Variants in GRHL2 observed in about 807,000 individuals in gnomAD.
The protein encoded by GRHL2 is grainyhead-like protein 2 homolog.
In GRHL2, 21 loss-of-function variants were observed where a neutral mutation model predicts 83.8. That is an observed-to-expected ratio of 0.25 (90% CI 0.18 to 0.36). The LOEUF (loss-of-function observed/expected upper bound fraction) is 0.36. Ranked by LOEUF, GRHL2 falls within the 10% of genes least tolerant of loss-of-function variation. The probability of loss-of-function intolerance (pLI) is 1.00; values close to 1 mark genes in which losing one functional copy is unlikely to be tolerated. For synonymous variants in GRHL2, 280 were observed against 278.9 expected (o/e 1.00, Z -0.04); for missense variants, 623 against 781.8 (o/e 0.80, Z 2.42).
chr8:101,575,610 G>A (rs560489682), intron 6 of GRHL2, among the ~76,000 whole-genome samples: 4 of 152,262 alleles, frequency 2.6e-5, no homozygotes, highest in South Asian at 2.1e-4. Flanking sequence ...CATGTAGGGC[G>A]TGGTAACAAC....
At chr8:101,514,897 CCTTT>C (rs1437291156) in intron 1 of GRHL2, among the ~76,000 whole-genome samples, 8 of 151,898 alleles carry the variant, frequency 5.3e-5, no homozygotes, top group African/African-American at 1.7e-4. Flanking sequence ...TGTCCTTCCC[CCTTT>C]CTTCTCTTCC....
Position 101,668,853 on chromosome 8 carries a change from T to C in GRHL2, c.*2150T>C, listed in dbSNP as rs1280788436. On this transcript the variant is annotated 3_prime_UTR_variant, in exon 16 of 16. Transcript: ENST00000646743. ...ATTTGGCAGCCTGACACAGGCAACC[T>C]ACCCCTCTCTCTCCAGCCTCTTTAT... 6.6e-6 allele frequency: 1 copy of C among 152,284 alleles called. No homozygotes were observed. Among genetic ancestry groups the C allele is most frequent in the Non-Finnish European group, 1.5e-5 (1 of 68,068 alleles). 9.4% of individuals were successfully genotyped at this position (152,284 alleles called of 1,614,324 possible). A position where few individuals can be genotyped will look rare whatever the true frequency, so the allele number is the denominator to read the frequency against.
chr8:101,671,192 C>A (rs1363591735), downstream of GRHL2, among the ~76,000 whole-genome samples: 1 of 152,174 alleles, frequency 6.6e-6, no homozygotes, highest in Non-Finnish European at 1.5e-5. Flanking sequence ...AGGTGCAGTG[C>A]ACCCTGCGCA....
chr8:101,615,355 GC>G (rs1032496366), intron 8 of GRHL2, among the ~76,000 whole-genome samples: 8 of 152,132 alleles, frequency 5.3e-5, no homozygotes, highest in Non-Finnish European at 7.3e-5. Context: ...ATTGCTTCCT[GC>G]CTGTCTGAGT....
At chr8:101,529,010 T>C in intron 1 of GRHL2, 1 of 382,002 alleles carries the variant, frequency 2.6e-6, no homozygotes, top group Non-Finnish European at 5.2e-6. Flanking sequence ...CCCTGTGGTA[T>C]TTCAGATGTA....
intron 14 of GRHL2, among the ~76,000 whole-genome samples, chr8:101,652,537 GT>G (rs1563627510): frequency 2.1e-5 from 1 of 47,194 alleles, no homozygotes; most frequent in Non-Finnish European, 3.7e-5. Flanking sequence ...TGTGTGGTGT[GT>G]GTGTGTGTGG....
intron 1 of GRHL2, among the ~76,000 whole-genome samples, chr8:101,540,395 C>G (rs1429234482): frequency 6.6e-5 from 10 of 152,144 alleles, no homozygotes; most frequent in African/African-American, 2.2e-4. Context: ...TGGTAGTAAG[C>G]CTGCCAACCA....
intron 13 of GRHL2, among the ~76,000 whole-genome samples, chr8:101,646,612 GTTTA>G (rs1813515966): frequency 6.6e-6 from 1 of 152,208 alleles, no homozygotes; most frequent in Non-Finnish European, 1.5e-5. Flanking sequence ...TTGCCTATTT[GTTTA>G]TTTGTTAGAA....
intron 1 of GRHL2, among the ~76,000 whole-genome samples, chr8:101,495,418 G>T (rs146396059): frequency 2.9e-4 from 44 of 152,306 alleles, no homozygotes; most frequent in African/African-American, 8.2e-4. Context: ...CTGCAGTGTT[G>T]ATGCTATCGC....
At chr8:101,575,698 T>C (rs939008136) in intron 6 of GRHL2, among the ~76,000 whole-genome samples, 2 of 152,224 alleles carry the variant, frequency 1.3e-5, no homozygotes, top group African/African-American at 4.8e-5. Context: ...TATGCTAATT[T>C]AGACACTTGC....
chr8:101,499,201 G>T (rs553751264), intron 1 of GRHL2, among the ~76,000 whole-genome samples: 1 of 152,236 alleles, frequency 6.6e-6, no homozygotes, highest in Non-Finnish European at 1.5e-5. Flanking sequence ...AGATTTTTTG[G>T]ATGTTAGGTT....
chr8:101,664,639 CCTT>C (rs1180895606), intron 15 of GRHL2, 121 bp downstream of exon 15: 21 of 742,170 alleles, frequency 2.8e-5, no homozygotes, highest in African/African-American at 5.2e-5. Context: ...AAAATTGTGT[CCTT>C]CTTCCAGAGA....
intron 11 of GRHL2, among the ~76,000 whole-genome samples, chr8:101,634,138 G>A (rs1398736512): frequency 1.3e-5 from 2 of 152,080 alleles, no homozygotes; most frequent in Non-Finnish European, 1.5e-5. Flanking sequence ...GCACCCCCCT[G>A]TATATCCTGC....
rs1813764818 is a variant in GRHL2 at position 101,655,408 on chromosome 8, TA to T, written c.1698+5910del. Among the ~76,000 whole-genome samples, 4 of 152,366 alleles carry T rather than the reference TA, an allele frequency of 2.6e-5. No homozygotes were observed. In the South Asian group the frequency reaches 8.3e-4, roughly 32 times the overall value. On this transcript the variant is annotated intron_variant, in intron 14 of 15. Coordinates refer to ENST00000646743, the MANE Select transcript of GRHL2 (RefSeq NM_024915.4). ...CCATGAAGAATAGTTTTGTTTGTACTACCCTTGACCTCTTACTGTTTTGGAA... is the reference window on the plus strand; with the variant it reads ...CCATGAAGAATAGTTTTGTTTGTACTCCCTTGACCTCTTACTGTTTTGGAA...
chr8:101,498,843 AG>A (rs1460541527), intron 1 of GRHL2, among the ~76,000 whole-genome samples: 1 of 152,142 alleles, frequency 6.6e-6, no homozygotes, highest in Non-Finnish European at 1.5e-5. Context: ...TGGGAGGCCG[AG>A]GTGGGCGGAT....
intron 13 of GRHL2, among the ~76,000 whole-genome samples, chr8:101,648,403 C>T (rs535191355): frequency 1.3e-5 from 2 of 152,302 alleles, no homozygotes; most frequent in South Asian, 4.2e-4. Context: ...AAAAGCTGTA[C>T]TCCACTTCAC....
chr8:101,591,655 T>G (rs912470565), intron 7 of GRHL2, among the ~76,000 whole-genome samples: 1 of 152,198 alleles, frequency 6.6e-6, no homozygotes, highest in Non-Finnish European at 1.5e-5. Context: ...AAATCACAGG[T>G]TGGCTTGTTA....
intron 9 of GRHL2, among the ~76,000 whole-genome samples, chr8:101,623,874 CAGT>C (rs1243802349): frequency 6.6e-6 from 1 of 151,568 alleles, no homozygotes; most frequent in Non-Finnish European, 1.5e-5. Flanking sequence ...GGACAGTACA[CAGT>C]AGGACAGTTC....
chr8:101,620,227 T>C (rs938051858), intron 9 of GRHL2, among the ~76,000 whole-genome samples: 1 of 152,176 alleles, frequency 6.6e-6, no homozygotes, highest in Non-Finnish European at 1.5e-5. Context: ...TAAACCCAAT[T>C]ACCTCCCCAA....
Sources: allele counts gnomAD v4.1 joint callset (sites outside exome capture counted in the v4.1 genomes callset), GRCh38; gene constraint gnomAD v4.1.1; transcripts MANE v1.5; gene names NCBI Gene and HGNC (gene_info 2026-07-23, HGNC 2026-07-21).